Variants in RFC4 observed in about 807,000 individuals in gnomAD.
RFC4 encodes the protein replication factor C subunit 4, also known as A1 37 kDa subunit.
A neutral mutation model predicts 47.6 loss-of-function variants in RFC4; 38 were observed. The observed-to-expected ratio is 0.80, with a 90% CI of 0.62 to 1.05. The LOEUF (loss-of-function observed/expected upper bound fraction) is 1.05. RFC4 is among the 50% of genes least tolerant of loss of function. The pLI is 0.00. For synonymous variants in RFC4, 164 were observed against 150.0 expected, an observed-to-expected ratio of 1.09 and a Z score of -0.68; for missense variants, 489 against 434.0, an observed-to-expected ratio of 1.13 and a Z score of -1.13.
intron 5 of RFC4, 22 bp from the exon 6 acceptor site, chr3:186,792,969 G>A: frequency 3.1e-6 from 5 of 1,603,056 alleles, no homozygotes; most frequent in Non-Finnish European, 4.3e-6. Context: ...AAACACATAA[G>A]AGTTGAACAT....
In RFC4 at chr3:186,790,250, TAAATCCTA is replaced by T; in HGVS notation, c.883-3_887del. The stretch of plus-strand genomic sequence containing the variant: ...GAGTTGCTGCATGACCCTCATCTAT[TAAATCCTA>T]TAATAAAAAAAACTTTTGGTATGAT... On this transcript the variant is annotated splice_acceptor_variant and splice_polypyrimidine_tract_variant and coding_sequence_variant and intron_variant, in exon 10 of 11. Transcript: ENST00000296273. LOFTEE classifies it high-confidence loss of function. The T allele has an allele frequency of 6.2e-7, 1 of 1,612,816 alleles. No individual in the cohort carries two copies. Among genetic ancestry groups the T allele is most frequent in the Non-Finnish European group, 8.5e-7 (1 of 1,178,966 alleles).
At chr3:186,795,719 G>A (rs1722231516) in intron 4 of RFC4, among the ~76,000 whole-genome samples, 1 of 152,082 alleles carries the variant, frequency 6.6e-6, no homozygotes, top group African/African-American at 2.4e-5. Context: ...CTTGAACCCG[G>A]GATGTGGAGG....
intron 3 of RFC4, among the ~76,000 whole-genome samples, chr3:186,799,244 G>C (rs978021775): frequency 3.9e-5 from 6 of 152,218 alleles, no homozygotes; most frequent in African/African-American, 1.4e-4. Flanking sequence ...TGGAATACCA[G>C]TTCTTAAAAT....
At chr3:186,797,888 T>C (rs1193874647) in intron 3 of RFC4, among the ~76,000 whole-genome samples, 2 of 152,162 alleles carry the variant, frequency 1.3e-5, no homozygotes, top group Non-Finnish European at 2.9e-5. Flanking sequence ...TCCACTTAGG[T>C]GAAATTTTCA....
Position 186,797,567 on chromosome 3 carries a change from G to A in RFC4, c.258C>T (p.Ser86=), listed in dbSNP as rs28903097. The A allele has an allele frequency of 2.4e-3, 3,832 of 1,611,804 alleles. 6 individuals carry two copies. Among genetic ancestry groups the A allele is most frequent in the Admixed American group, 3.0e-3 (178 of 59,968 alleles). ...FYGPPGTGKT[S]TILAAARELF... ...GTTCTCTAGCTGCTGCCAAAATAGT[G>A]GATGTTTTTCCAGTTCCAGGTGGTC... The change falls in exon 4 of 11, where the codon TCC becomes TCT. Residue 86 remains serine (S), a synonymous_variant. Coordinates refer to ENST00000296273, the MANE Select transcript of RFC4 (RefSeq NM_002916.5).
Position 186,791,819 on chromosome 3 carries a change from CCTT to C in RFC4, c.704_706del (p.Glu235del), listed in dbSNP as rs1378411788. On this transcript the variant is annotated inframe_deletion, in exon 8 of 11. Transcript: ENST00000296273. ...AAATGTAATGGCTTTTCTTAAGTCTCCTTCTGACACTTTAACAAGATAAGCTAT... is the reference window on the plus strand; with the variant it reads ...AAATGTAATGGCTTTTCTTAAGTCTCCTGACACTTTAACAAGATAAGCTAT... 2.7e-5 allele frequency: 43 copies of C among 1,612,262 alleles called. No homozygotes were observed. The highest frequency in any genetic ancestry group is 4.0e-5 in the African/African-American group (3 of 74,884).
rs376957271 is a variant in RFC4, at chr3:186,790,316, C to T, written c.882+10G>A. On this transcript the variant is annotated intron_variant, in intron 9 of 10. Coordinates refer to ENST00000296273, the MANE Select transcript of RFC4 (RefSeq NM_002916.5). ...TATTCCTTTCCCCAAAGTTAGTAAG[C>T]TGACTTTACCTTGACCACAGCTTCT... 6.8e-6 allele frequency: 11 copies of T among 1,613,146 alleles called. No individual in the cohort carries two copies. Among genetic ancestry groups the T allele is most frequent in the South Asian group, 2.2e-5 (2 of 91,062 alleles).
chr3:186,797,656 C>T (rs1722269872), intron 3 of RFC4, 42 bp from the exon 4 acceptor site: 1 of 1,359,758 alleles, frequency 7.4e-7, no homozygotes, highest in South Asian at 1.2e-5. Flanking sequence ...GGTATTCTGG[C>T]ACAAATAGAT....
intron 4 of RFC4, among the ~76,000 whole-genome samples, chr3:186,795,055 A>G (rs1052822389): frequency 9.2e-5 from 14 of 152,206 alleles, no homozygotes; most frequent in African/African-American, 3.4e-4. Context: ...CTCAGGCTGG[A>G]GAACAGTGGC....
intron 3 of RFC4, among the ~76,000 whole-genome samples, chr3:186,798,948 T>C (rs945454302): frequency 6.6e-6 from 1 of 152,228 alleles, no homozygotes; most frequent in African/African-American, 2.4e-5. Flanking sequence ...AATGAATGAA[T>C]AAACCAATAC....
intron 4 of RFC4, among the ~76,000 whole-genome samples, chr3:186,795,609 G>A (rs969436391): frequency 7.2e-5 from 11 of 151,990 alleles, no homozygotes; most frequent in South Asian, 4.1e-4. Flanking sequence ...CCTGACCAAC[G>A]TGGTGAAACC....
At chr3:186,790,551 G>C in intron 8 of RFC4, 145 bp from the exon 9 acceptor site, 1 of 668,574 alleles carries the variant, frequency 1.5e-6, no homozygotes, top group Non-Finnish European at 2.7e-6. Flanking sequence ...GAACGGAAAG[G>C]GCCAGAGTAA....
rs1338635288 is a variant in RFC4, at chr3:186,792,902, T to C, written c.456A>G (p.Ala152=). Residue 152 remains alanine, a synonymous_variant, in exon 6 of 11, where the codon GCA becomes GCG. Transcript: ENST00000296273. ...CCTGAGCAGCTGAGGTCATAGAATC[T>C]GCTTCATCCAGAATCACAATCTTAA... ...PPFKIVILDE[A]DSMTSAAQAA... is the part of the protein sequence containing the mutation. 6.2e-7 allele frequency: 1 copy of C among 1,614,046 alleles called. No individual in the cohort carries two copies. Among genetic ancestry groups the C allele is most frequent in the African/African-American group, 1.3e-5 (1 of 75,048 alleles).
Position 186,789,955 on chromosome 3 carries a change from CAGATATATTCACGTTAACAATTCTG to C in RFC4, c.1081_*13del. ...TTCATTATTTACAAAACCCCCCATC[CAGATATATTCACGTTAACAATTCTG>C]AGATAACTGCTGCATCACAGTTGCA... On this transcript the variant is annotated stop_lost and 3_prime_UTR_variant, in exon 11 of 11. Transcript: ENST00000296273. 6.7e-7 allele frequency: 1 copy of C among 1,500,898 alleles called. No individual in the cohort carries two copies. The highest frequency in any genetic ancestry group is 2.3e-5 in the East Asian group (1 of 44,208). The allele number at this position is 1,500,898 out of a possible 1,614,324, so 93.0% of individuals were successfully genotyped here.
chr3:186,790,649 CATGGAT>C (rs1292650128), intron 8 of RFC4, among the ~76,000 whole-genome samples: 45 of 152,198 alleles, frequency 3.0e-4, no homozygotes, highest in Non-Finnish European at 1.2e-4. Context: ...TTTGGGCACA[CATGGAT>C]TATAGCTTGT....
At chr3:186,803,124 C>T (rs977092802) in intron 2 of RFC4, among the ~76,000 whole-genome samples, 8 of 152,150 alleles carry the variant, frequency 5.3e-5, no homozygotes, top group Non-Finnish European at 1.0e-4. Flanking sequence ...AGGCAGATCA[C>T]CTGAGATCAG....
intron 3 of RFC4, among the ~76,000 whole-genome samples, chr3:186,799,543 T>C (rs1010176274): frequency 1.3e-5 from 2 of 152,074 alleles, no homozygotes; most frequent in African/African-American, 4.8e-5. Flanking sequence ...CTAAACACCA[T>C]CTCTACTAAA....
chr3:186,790,349 C>T lies in RFC4; in HGVS notation c.859G>A (p.Asp287Asn). ...VFAACQSGSF[D>N]KLEAVVKDLI... is the part of the protein sequence containing the mutation. ...ACCTTGACCACAGCTTCTAGTTTGTCAAAAGAGCCACTCTGACAGGCAGCA... is the reference window on the plus strand; with the variant it reads ...ACCTTGACCACAGCTTCTAGTTTGTTAAAAGAGCCACTCTGACAGGCAGCA... The change falls in exon 9 of 11, where the codon GAC becomes AAC. Residue 287 changes from aspartate (D) to asparagine (N), a missense_variant. This residue lies in a region of RFC4 where 283 missense variants were observed against 176.2 expected (regional missense o/e 1.61). Transcript: ENST00000296273. The T allele has an allele frequency of 6.2e-7, 1 of 1,613,866 alleles. No homozygotes were observed. The highest frequency in any genetic ancestry group is 8.5e-7 in the Non-Finnish European group (1 of 1,179,806).
chr3:186,791,603 CCTTATA>C (rs763041340), intron 8 of RFC4, 116 bp downstream of exon 8: 13 of 856,562 alleles, frequency 1.5e-5, no homozygotes, highest in South Asian at 1.3e-4. Flanking sequence ...CAGGTTATTC[CCTTATA>C]CTTCCTAGTG....
Sources: allele counts gnomAD v4.1 joint callset (sites outside exome capture counted in the v4.1 genomes callset), GRCh38; gene constraint gnomAD v4.1.1; regional missense constraint gnomAD v4.1.1; transcripts MANE v1.5; gene names NCBI Gene and HGNC (gene_info 2026-07-23, HGNC 2026-07-21).